ROBO1: variants seen among roughly 807,000 people sequenced by gnomAD.
ROBO1 encodes roundabout guidance receptor 1.
Under a neutral mutation model 195.9 loss-of-function variants are expected in ROBO1, and 149 were observed. The observed-to-expected ratio is 0.76, with a 90% CI of 0.67 to 0.87. The LOEUF (loss-of-function observed/expected upper bound fraction) is 0.87, where lower values mean the gene tolerates loss of function less well. ROBO1 is among the 40% of genes least tolerant of loss of function. ROBO1 has a pLI of 0.00. For missense variants in ROBO1, 1,933 were observed against 2,068.3 expected (o/e 0.93, Z 1.27); for synonymous variants, 816 against 733.2 (o/e 1.11, Z -1.82).
At chr3:79,230,253 T>G (rs1002960841) in intron 2 of ROBO1, among the ~76,000 whole-genome samples, 1 of 152,164 alleles carries the variant, frequency 6.6e-6, no homozygotes, top group Admixed American at 6.5e-5. Context: ...ACTCTCTTTC[T>G]TTTACTGAAT....
At chr3:79,210,616 A>G (rs2081951673) in intron 2 of ROBO1, among the ~76,000 whole-genome samples, 1 of 152,202 alleles carries the variant, frequency 6.6e-6, no homozygotes, top group Non-Finnish European at 1.5e-5. Flanking sequence ...TAAAGGACAC[A>G]CAGCAAGTAG....
intron 2 of ROBO1, among the ~76,000 whole-genome samples, chr3:79,280,161 G>A (rs2031396737): frequency 6.6e-6 from 1 of 152,064 alleles, no homozygotes; most frequent in Non-Finnish European, 1.5e-5. Context: ...TAGACAGGAA[G>A]AATACATTCT....
intron 2 of ROBO1, among the ~76,000 whole-genome samples, chr3:79,184,553 C>T (rs1025961461): frequency 6.6e-6 from 1 of 152,060 alleles, no homozygotes; most frequent in African/African-American, 2.4e-5. Context: ...TTCTCTTGGT[C>T]AGTGTGGACA....
intron 1 of ROBO1, among the ~76,000 whole-genome samples, chr3:79,641,413 T>C (rs1444401041): frequency 6.6e-6 from 1 of 152,080 alleles, no homozygotes; most frequent in Non-Finnish European, 1.5e-5. Flanking sequence ...TTTTCTTATT[T>C]TGAGGGATAG....
chr3:79,568,570 C>T (rs1052234399), intron 2 of ROBO1, among the ~76,000 whole-genome samples: 1 of 149,538 alleles, frequency 6.7e-6, no homozygotes, highest in South Asian at 2.1e-4. Flanking sequence ...AAATATGGAG[C>T]TAGTGAATCT....
Position 79,028,517 on chromosome 3 carries a change from G to T in ROBO1, c.173-89590C>A, listed in dbSNP as rs1210502369. 2.6e-5 allele frequency among the ~76,000 whole-genome samples: 4 copies of T among 152,042 alleles called. No individual in the cohort carries two copies. The South Asian group carries it at 8.3e-4, about 32-fold the overall frequency. ...AAGTTATTTCTAATCCTGTGAAGGT[G>T]TGCATAATCTGATTCTTTAAAGTTA... On this transcript the variant is annotated intron_variant, in intron 3 of 30. Coordinates refer to ENST00000464233, the MANE Select transcript of ROBO1 (RefSeq NM_002941.4).
At chr3:79,284,326 TTTC>T (rs1308769473) in intron 2 of ROBO1, among the ~76,000 whole-genome samples, 3 of 152,130 alleles carry the variant, frequency 2.0e-5, no homozygotes, top group Admixed American at 6.6e-5. Flanking sequence ...ACATAAAGTA[TTTC>T]TTAAGTTTCC....
rs144250193 is a variant in ROBO1 at position 78,925,060 on chromosome 3, C to T, written c.499+13541G>A. Among the ~76,000 whole-genome samples the T allele has an allele frequency of 2.4e-3, 371 of 151,838 alleles. 2 individuals carry two copies. Among genetic ancestry groups the T allele is most frequent in the African/African-American group, 5.9e-3 (243 of 41,426 alleles). On this transcript the variant is annotated intron_variant, in intron 4 of 30. Transcript: ENST00000464233. ...TCATGCCTTTTAATTGAGTTTCAAG[C>T]GGTACATGTTAGGTTATTAAAGTAA...
At chr3:79,755,069 G>A (rs1011813659) in intron 1 of ROBO1, among the ~76,000 whole-genome samples, 2 of 151,808 alleles carry the variant, frequency 1.3e-5, no homozygotes, top group African/African-American at 2.4e-5. Flanking sequence ...TAGTAGAAAC[G>A]GGGTTTCACC....
chr3:79,451,955 T>C (rs1390364122), intron 2 of ROBO1, among the ~76,000 whole-genome samples: 1 of 151,112 alleles, frequency 6.6e-6, no homozygotes, highest in South Asian at 2.1e-4. Flanking sequence ...GGGCATTCAA[T>C]TCCACATCAT....
chr3:78,637,096 T>C (rs1705566625), intron 22 of ROBO1, among the ~76,000 whole-genome samples: 1 of 126,404 alleles, frequency 7.9e-6, no homozygotes. Flanking sequence ...TTTATGCATG[T>C]TGTCCAAAAG....
chr3:78,627,099 T>TAATGCA (rs1200341092), intron 26 of ROBO1, among the ~76,000 whole-genome samples: 1 of 152,196 alleles, frequency 6.6e-6, no homozygotes, highest in Admixed American at 6.5e-5. Context: ...TGAGTATTAA[T>TAATGCA]ACACATTATT....
chr3:79,399,266 C>T (rs1354528806), intron 2 of ROBO1, among the ~76,000 whole-genome samples: 1 of 152,084 alleles, frequency 6.6e-6, no homozygotes. Context: ...TCTACTCAAA[C>T]TCCTGCAAGT....
intron 2 of ROBO1, among the ~76,000 whole-genome samples, chr3:79,202,253 CAGTA>C (rs1442919932): frequency 6.6e-6 from 1 of 151,936 alleles, no homozygotes; most frequent in East Asian, 1.9e-4. Flanking sequence ...GGTTAAAATA[CAGTA>C]AGTTCAGTAA....
chr3:78,978,770 A>G (rs6806776), intron 3 of ROBO1, among the ~76,000 whole-genome samples: 4,153 of 152,250 alleles, frequency 0.027, 186 homozygotes, highest in African/African-American at 0.093. Context: ...TTCGCTCTCA[A>G]TAATGAAAAT....
chr3:79,248,518 G>A (rs551422549), intron 2 of ROBO1, among the ~76,000 whole-genome samples: 2 of 152,184 alleles, frequency 1.3e-5, no homozygotes, highest in East Asian at 1.9e-4. Context: ...AATACGTGGT[G>A]TGGCATTTTG....
chr3:79,356,282 A>G (rs1204157848), intron 2 of ROBO1, among the ~76,000 whole-genome samples: 3 of 152,234 alleles, frequency 2.0e-5, no homozygotes, highest in Admixed American at 6.5e-5. Flanking sequence ...TGGAGGTTGC[A>G]GTGGGCTAAG....
chr3:79,184,591 C>T (rs1455830), intron 2 of ROBO1, among the ~76,000 whole-genome samples: 151,806 of 152,244 alleles, frequency 1, 75,687 homozygotes, highest in East Asian at 1. Flanking sequence ...CCAGGACTTA[C>T]GGTAGGTGGG....
At chr3:78,930,372 C>T (rs1028490310) in intron 4 of ROBO1, among the ~76,000 whole-genome samples, 2 of 152,148 alleles carry the variant, frequency 1.3e-5, no homozygotes, top group African/African-American at 2.4e-5. Flanking sequence ...TGAGCACAGA[C>T]TGCAAGAGGC....
Sources: gnomAD v4.1 joint callset for allele counts (sites outside exome capture counted in the v4.1 genomes callset) on GRCh38, gnomAD v4.1.1 for gene constraint, MANE v1.5 for transcripts, NCBI Gene and HGNC (gene_info 2026-07-23, HGNC 2026-07-21) for gene names.